PTPRN2: variants seen among roughly 807,000 people sequenced by gnomAD.
The protein encoded by PTPRN2 is protein tyrosine phosphatase receptor type N2.
PTPRN2 carries 74 observed loss-of-function variants against 118.8 expected under a neutral mutation model. The ratio of observed to expected loss-of-function variants is 0.62; its 90% CI spans 0.52 to 0.76. PTPRN2 has a LOEUF of 0.76. Among genes scored for constraint, PTPRN2 ranks in the 30% least tolerant of loss-of-function variants. The pLI is 0.00. For missense variants in PTPRN2, 1,481 were observed against 1,394.4 expected (o/e 1.06, Z -0.99); for synonymous variants, 641 against 608.0 (o/e 1.05, Z -0.80).
At chr7:158,488,505 C>T (rs1021903139) in intron 2 of PTPRN2, among the ~76,000 whole-genome samples, 1 of 152,232 alleles carries the variant, frequency 6.6e-6, no homozygotes, top group Non-Finnish European at 1.5e-5. Flanking sequence ...AAATTCCATC[C>T]GGAACCCAGG....
At chr7:157,852,183 T>G (rs1395255280) in intron 12 of PTPRN2, among the ~76,000 whole-genome samples, 4 of 152,228 alleles carry the variant, frequency 2.6e-5, no homozygotes, top group African/African-American at 4.8e-5. Flanking sequence ...GGGAATTATT[T>G]TGTCAAAAAA....
chr7:157,878,253 G>C (rs886646200), intron 12 of PTPRN2, among the ~76,000 whole-genome samples: 1 of 152,278 alleles, frequency 6.6e-6, no homozygotes, highest in African/African-American at 2.4e-5. Flanking sequence ...GGACCCTGAG[G>C]CTCCTTAAAG....
intron 2 of PTPRN2, among the ~76,000 whole-genome samples, chr7:158,328,618 G>C (rs1195893318): frequency 6.6e-6 from 1 of 152,168 alleles, no homozygotes; most frequent in African/African-American, 2.4e-5. Context: ...TCCCTTGTGT[G>C]AGGAGCAGGG....
chr7:157,592,290 T>C (rs1801023978), intron 17 of PTPRN2, among the ~76,000 whole-genome samples: 1 of 152,230 alleles, frequency 6.6e-6, no homozygotes. Context: ...GTTCACGCCT[T>C]CTATTCACTA....
intron 12 of PTPRN2, among the ~76,000 whole-genome samples, chr7:157,833,783 T>G (rs965843012): frequency 2.6e-5 from 4 of 152,248 alleles, no homozygotes; most frequent in Non-Finnish European, 5.9e-5. Flanking sequence ...ATTTTGCATT[T>G]CTTCTGGTCA....
At chr7:157,920,823 A>C (rs1401133317) in intron 11 of PTPRN2, among the ~76,000 whole-genome samples, 1 of 152,220 alleles carries the variant, frequency 6.6e-6, no homozygotes, top group Non-Finnish European at 1.5e-5. Context: ...AGAAGATACA[A>C]AGAAAATCTA....
intron 2 of PTPRN2, among the ~76,000 whole-genome samples, chr7:158,335,357 A>G (rs62480950): frequency 0.4 from 4,606 of 11,420 alleles, 2,165 homozygotes; most frequent in African/African-American, 0.85. Context: ...ACCTGCAGAT[A>G]TCACTCACAC....
intron 12 of PTPRN2, among the ~76,000 whole-genome samples, chr7:157,756,281 C>A (rs2886775): frequency 6.8e-6 from 1 of 146,728 alleles, no homozygotes; most frequent in African/African-American, 2.6e-5. Context: ...TAAACCAGGG[C>A]AAATTTTTTA....
intron 11 of PTPRN2, among the ~76,000 whole-genome samples, chr7:157,902,502 C>T (rs1465575122): frequency 3.2e-5 from 4 of 124,744 alleles, no homozygotes; most frequent in Non-Finnish European, 6.8e-5. Flanking sequence ...GCCTCAAGAG[C>T]ACGTGGGGAC....
intron 11 of PTPRN2, among the ~76,000 whole-genome samples, chr7:158,005,496 GGT>G (rs1169615882): frequency 1.3e-5 from 2 of 152,222 alleles, no homozygotes; most frequent in East Asian, 1.9e-4. Flanking sequence ...GACCTAAGCT[GGT>G]TTGGAATTCA....
intron 1 of PTPRN2, among the ~76,000 whole-genome samples, chr7:158,501,218 T>C (rs560582141): frequency 6.6e-6 from 1 of 152,336 alleles, no homozygotes; most frequent in African/African-American, 2.4e-5. Flanking sequence ...CATCACTCCT[T>C]CCTGGAAGGA....
chr7:158,293,887 G>A (rs1554443470), intron 3 of PTPRN2, among the ~76,000 whole-genome samples: 1 of 152,320 alleles, frequency 6.6e-6, no homozygotes, highest in Non-Finnish European at 1.5e-5. Context: ...TAGCACATGT[G>A]GGGCCATCAT....
At chr7:157,871,962 GCTTCCCCACACACACATACCCAGTGT>G (rs1811077720) in intron 12 of PTPRN2, among the ~76,000 whole-genome samples, 1 of 117,466 alleles carries the variant, frequency 8.5e-6, no homozygotes, top group African/African-American at 3.3e-5. Context: ...CATACCCAGC[GCTTCCCCACACACACATACCCAGTGT>G]CCTCCCCACA....
At chr7:158,086,588 C>T (rs991076257) in intron 10 of PTPRN2, among the ~76,000 whole-genome samples, 1 of 152,202 alleles carries the variant, frequency 6.6e-6, no homozygotes, top group Non-Finnish European at 1.5e-5. Context: ...ATTTAAACAA[C>T]AAAACCACCA....
chr7:157,846,424 CA>C, intron 12 of PTPRN2, among the ~76,000 whole-genome samples: 1 of 146,546 alleles, frequency 6.8e-6, no homozygotes, highest in East Asian at 2.0e-4. Flanking sequence ...TCTAAAAATG[CA>C]AAGCTCTGAA....
chr7:157,634,091 G>C (rs1167519010), intron 14 of PTPRN2, among the ~76,000 whole-genome samples: 3 of 144,032 alleles, frequency 2.1e-5, no homozygotes, highest in African/African-American at 2.9e-5. Context: ...CAGGCAACAC[G>C]TCCTAGGATT....
At chr7:157,875,071 G>C (rs909881783) in intron 12 of PTPRN2, among the ~76,000 whole-genome samples, 4 of 151,900 alleles carry the variant, frequency 2.6e-5, no homozygotes, top group Non-Finnish European at 4.4e-5. Flanking sequence ...ACACACACAC[G>C]CTCACTCACA....
intron 13 of PTPRN2, among the ~76,000 whole-genome samples, chr7:157,666,486 G>A (rs576501436): frequency 6.7e-5 from 10 of 148,580 alleles, no homozygotes; most frequent in Admixed American, 6.1e-4. Flanking sequence ...AAGTATTCCA[G>A]AGCCATTAGT....
intron 12 of PTPRN2, chr7:157,863,616 T>C (rs536558624): frequency 6.6e-6 from 1 of 152,344 alleles, no homozygotes; most frequent in Non-Finnish European, 1.5e-5. Context: ...TCACTGGCCC[T>C]GTGATGGGCT....
Sources: gnomAD v4.1 joint callset for allele counts (sites outside exome capture counted in the v4.1 genomes callset) on GRCh38, gnomAD v4.1.1 for gene constraint, MANE v1.5 for transcripts, NCBI Gene and HGNC (gene_info 2026-07-23, HGNC 2026-07-21) for gene names.